TEAD3: variants seen among roughly 807,000 people sequenced by gnomAD.
TEAD3 encodes TEA domain transcription factor 3, also known as transcriptional enhancer factor TEF-5.
In TEAD3, 15 loss-of-function variants were observed where a neutral mutation model predicts 55.6. The observed-to-expected ratio is 0.27, with a 90% CI of 0.18 to 0.42. The LOEUF (loss-of-function observed/expected upper bound fraction) is 0.42, where lower values mean the gene tolerates loss of function less well. Among genes scored for constraint, TEAD3 ranks in the 10% least tolerant of loss-of-function variants. The probability of loss-of-function intolerance (pLI) is 1.00; values close to 1 mark genes in which losing one functional copy is unlikely to be tolerated. For missense variants in TEAD3, 407 were observed against 576.8 expected, an observed-to-expected ratio of 0.71 and a Z score of 3.01; for synonymous variants, 210 against 232.2, an observed-to-expected ratio of 0.90 and a Z score of 0.87.
In TEAD3 at chr6:35,496,109, C is replaced by T. The variant is rs1267721410; in HGVS notation, c.-50+789G>A. Among the ~76,000 whole-genome samples, 1 of 151,704 alleles carries T rather than the reference C, an allele frequency of 6.6e-6. No individual in the cohort carries two copies. The highest frequency in any genetic ancestry group is 1.9e-4 in the East Asian group (1 of 5,152). ...TCCCTCCCCTAGCAGGAATAAAGGG[C>T]ATGACAGACAATGGTGGGGACCGGG... On this transcript the variant is annotated intron_variant, in intron 1 of 12. Coordinates refer to ENST00000639578, the Ensembl canonical transcript of TEAD3. This position sits in a 1 kb window ranked among gnomAD's most constrained non-coding sequence, Gnocchi z 4.8.
intron 1 of TEAD3, among the ~76,000 whole-genome samples, chr6:35,495,602 G>A (rs1409556056): frequency 6.6e-6 from 1 of 152,112 alleles, no homozygotes; most frequent in East Asian, 1.9e-4. Flanking sequence ...ACATCCTTTA[G>A]GGAGTGCCCC....
Position 35,476,104 on chromosome 6 carries a change from G to A in TEAD3, c.727-12C>T, listed in dbSNP as rs1768141945. On this transcript the variant is annotated splice_polypyrimidine_tract_variant and intron_variant, in intron 9 of 12. Coordinates refer to ENST00000639578, the Ensembl canonical transcript of TEAD3. The stretch of plus-strand genomic sequence containing the variant: ...AGGTGTTTGCTGTACTGTGGGGAGG[G>A]CCCAGACAGGGTCAGGAGAGTACTC... The A allele has an allele frequency of 1.3e-6, 2 of 1,536,652 alleles. No individual in the cohort carries two copies. The highest frequency in any genetic ancestry group is 1.8e-6 in the Non-Finnish European group (2 of 1,140,632).
At chr6:35,494,831 G>A (rs1384069203) in intron 1 of TEAD3, among the ~76,000 whole-genome samples, 1 of 152,002 alleles carries the variant, frequency 6.6e-6, no homozygotes, top group Non-Finnish European at 1.5e-5. Flanking sequence ...TCAGAGGCAA[G>A]ATCCCCCAAT....
chr6:35,479,338 T>C, intron 4 of TEAD3, 22 bp from the exon 5 acceptor site: 1 of 1,613,876 alleles, frequency 6.2e-7, no homozygotes, highest in Non-Finnish European at 8.5e-7. Context: ...AGAAGGAAGA[T>C]AGATTAGAGG....
At chr6:35,482,140 A>G (rs1768278299) in intron 3 of TEAD3, among the ~76,000 whole-genome samples, 1 of 152,066 alleles carries the variant, frequency 6.6e-6, no homozygotes, top group Non-Finnish European at 1.5e-5. Context: ...GCACACCACC[A>G]CACCCAGCTA....
rs2150914597 is a variant in TEAD3 at position 35,485,830 on chromosome 6, G to A, written c.202+631C>T. The stretch of plus-strand genomic sequence containing the variant: ...GCCACGGGCTGCTGGGAGGAATAGG[G>A]GAGCTGGCCAGGAACCAGGCCCAGA... On this transcript the variant is annotated intron_variant, in intron 2 of 12. Transcript: ENST00000639578. This position sits in a 1 kb window ranked among gnomAD's most constrained non-coding sequence, Gnocchi z 4.3. Among the ~76,000 whole-genome samples the A allele has an allele frequency of 6.6e-6, 1 of 152,280 alleles. No homozygotes were observed. The highest frequency in any genetic ancestry group is 1.9e-4 in the East Asian group (1 of 5,152).
intron 3 of TEAD3, among the ~76,000 whole-genome samples, chr6:35,481,766 TGA>T (rs1276405936): frequency 6.6e-6 from 1 of 152,190 alleles, no homozygotes; most frequent in East Asian, 1.9e-4. Flanking sequence ...GAGCCCACTC[TGA>T]CTCCACTCAC....
intron 1 of TEAD3, among the ~76,000 whole-genome samples, chr6:35,487,548 C>CA (rs869103103): frequency 0.047 from 2,492 of 53,036 alleles, 36 homozygotes; most frequent in Non-Finnish European, 0.066. Context: ...CGAGACTCCT[C>CA]AAAAAAAAAA....
At chr6:35,494,827 G>A (rs1768605525) in intron 1 of TEAD3, among the ~76,000 whole-genome samples, 1 of 152,024 alleles carries the variant, frequency 6.6e-6, no homozygotes, top group South Asian at 2.1e-4. Context: ...CACTTCAGAG[G>A]CAAGATCCCC....
rs1327885124 is a variant in TEAD3 at position 35,484,794 on chromosome 6, G to A, written c.203-170C>T. On this transcript the variant is annotated intron_variant, in intron 2 of 12. Transcript: ENST00000639578. This position sits in a 1 kb window ranked among gnomAD's most constrained non-coding sequence, Gnocchi z 5.8. The stretch of plus-strand genomic sequence containing the variant: ...ATGCAGGGCATGCAAAGGTGGCTGG[G>A]GAGTCACAGCTGCATCCTACCACCT... Among the ~76,000 whole-genome samples the A allele has an allele frequency of 6.6e-6, 1 of 152,184 alleles. No individual in the cohort carries two copies. The highest frequency in any genetic ancestry group is 1.5e-5 in the Non-Finnish European group (1 of 68,018).
At chr6:35,473,629 A>ATTTTTTT (rs569676341), downstream of TEAD3, 5 of 123,776 alleles carry the variant, frequency 4.0e-5, no homozygotes, top group Middle Eastern at 4.8e-3. Flanking sequence ...AATAACTTTA[A>ATTTTTTT]TTTTTTTTTT....
rs1487219282 is a variant in TEAD3 at position 35,475,811 on chromosome 6, A to G, written c.901-105T>C. ...AGGATCCATCTCTGGCACTCTGCCC[A>G]CAAGCCATGAGGATGCAGCAGGGTC... is the stretch of plus-strand genomic sequence containing the variant. On this transcript the variant is annotated intron_variant, in intron 10 of 12. Transcript: ENST00000639578. This position sits in a 1 kb window ranked among gnomAD's most constrained non-coding sequence, Gnocchi z 5.4. The G allele has an allele frequency of 1.3e-6, 2 of 1,506,548 alleles. No individual in the cohort carries two copies. Among genetic ancestry groups the G allele is most frequent in the Non-Finnish European group, 1.8e-6 (2 of 1,128,024 alleles). 93.3% of individuals were successfully genotyped at this position (1,506,548 alleles called of 1,614,324 possible).
In TEAD3 at chr6:35,476,023, CT is replaced by C. The variant is rs1395869028; in HGVS notation, c.795del (p.Val266Ter). On this transcript the variant is annotated frameshift_variant, in exon 10 of 13. Coordinates refer to ENST00000639578, the Ensembl canonical transcript of TEAD3. LOFTEE classifies it high-confidence loss of function. ...TTGTCATAGATCTGGCGCACATCTA[CT>C]GCCTCCAGGGGTGGGTCTGAGAAGG... 1 of 1,564,224 alleles carries C rather than the reference CT, an allele frequency of 6.4e-7. No homozygotes were observed. The highest frequency in any genetic ancestry group is 8.7e-7 in the Non-Finnish European group (1 of 1,155,812).
intron 3 of TEAD3, among the ~76,000 whole-genome samples, chr6:35,480,767 C>T (rs1247192118): frequency 6.6e-6 from 1 of 152,208 alleles, no homozygotes; most frequent in Non-Finnish European, 1.5e-5. Context: ...GGCTGAAATC[C>T]AGCCCAAGTT....
chr6:35,489,011 C>T (rs1175024299), intron 1 of TEAD3, among the ~76,000 whole-genome samples: 2 of 152,244 alleles, frequency 1.3e-5, no homozygotes, highest in Admixed American at 6.5e-5. Flanking sequence ...CCAGCCTCGG[C>T]CTCCCAAAGT....
chr6:35,488,575 C>A lies in TEAD3; in HGVS notation c.-49-1864G>T, dbSNP rs1226101276. Among the ~76,000 whole-genome samples the A allele has an allele frequency of 6.6e-6, 1 of 152,038 alleles. No individual in the cohort carries two copies. ...AGAGGAAGATGAATTCCAGGTCCTGCTGCTTGAGTCGGGGTGGACTCTCTC... is the reference window on the plus strand; with the variant it reads ...AGAGGAAGATGAATTCCAGGTCCTGATGCTTGAGTCGGGGTGGACTCTCTC... On this transcript the variant is annotated intron_variant, in intron 1 of 12. Transcript: ENST00000639578. This position sits in a 1 kb window ranked among gnomAD's most constrained non-coding sequence, Gnocchi z 4.2.
chr6:35,495,274 C>T (rs554203522), intron 1 of TEAD3, among the ~76,000 whole-genome samples: 63 of 152,314 alleles, frequency 4.1e-4, no homozygotes, highest in African/African-American at 1.5e-3. Context: ...GGTCTACAAA[C>T]CTTTGGGTGA....
chr6:35,494,021 G>A lies in TEAD3; in HGVS notation c.-50+2877C>T, dbSNP rs142812873. On this transcript the variant is annotated intron_variant, in intron 1 of 12. Coordinates refer to ENST00000639578, the Ensembl canonical transcript of TEAD3. ...GAGTCACCCAGTTTCTCTTATGGAC[G>A]TGTATATCTGTCACACACACGAATG... Among the ~76,000 whole-genome samples, 878 of 152,292 alleles carry A rather than the reference G, an allele frequency of 5.8e-3. 6 individuals carry two copies. The highest frequency in any genetic ancestry group is 0.02 in the African/African-American group (816 of 41,554).
exon 4 of TEAD3, chr6:35,480,092 G>C: frequency 6.5e-7 from 1 of 1,537,768 alleles, no homozygotes; most frequent in Non-Finnish European, 8.8e-7. Flanking sequence ...CGAGATTTCC[G>C]CCTGGCTAGA....
Sources: allele counts gnomAD v4.1 joint callset (sites outside exome capture counted in the v4.1 genomes callset), GRCh38; gene constraint gnomAD v4.1.1; non-coding constraint Gnocchi (gnomAD v3.1); transcripts MANE v1.5; gene names NCBI Gene and HGNC (gene_info 2026-07-23, HGNC 2026-07-21).